COL24A1: variants seen among roughly 807,000 people sequenced by gnomAD.
COL24A1 encodes the protein collagen type XXIV alpha 1 chain.
Under a neutral mutation model 253.9 loss-of-function variants are expected in COL24A1, and 224 were observed. The observed-to-expected ratio is 0.88, with a 90% CI of 0.79 to 0.99. COL24A1 has a LOEUF of 0.99. COL24A1 is among the 50% of genes least tolerant of loss of function. The pLI, the probability that COL24A1 is intolerant of heterozygous loss-of-function variation, is 0.00. For missense variants in COL24A1, 2,131 were observed against 2,068.5 expected (o/e 1.03, Z -0.59); for synonymous variants, 685 against 673.7 (o/e 1.02, Z -0.26).
chr1:86,039,485 A>T (rs1005709940), intron 12 of COL24A1, among the ~76,000 whole-genome samples: 1 of 152,152 alleles, frequency 6.6e-6, no homozygotes, highest in Non-Finnish European at 1.5e-5. Flanking sequence ...GGTCACAATG[A>T]CTATATTTAC....
chr1:85,851,684 C>T (rs567402040), intron 37 of COL24A1, among the ~76,000 whole-genome samples: 6 of 152,120 alleles, frequency 3.9e-5, no homozygotes, highest in Non-Finnish European at 8.8e-5. Context: ...TATGGAAAAA[C>T]GTATAGCTAC....
chr1:85,801,589 T>C (rs991995774), intron 47 of COL24A1, among the ~76,000 whole-genome samples: 14 of 152,196 alleles, frequency 9.2e-5, no homozygotes, highest in African/African-American at 2.7e-4. Flanking sequence ...AGTAATGGCT[T>C]CCTACTGTTG....
chr1:85,733,396 G>T (rs1663711724), intron 59 of COL24A1, among the ~76,000 whole-genome samples: 1 of 152,092 alleles, frequency 6.6e-6, no homozygotes, highest in Admixed American at 6.5e-5. Context: ...ACTCAACTCT[G>T]CCATTGTAGT....
At chr1:85,815,569 G>A (rs185360936) in intron 47 of COL24A1, among the ~76,000 whole-genome samples, 1 of 152,158 alleles carries the variant, frequency 6.6e-6, no homozygotes, top group African/African-American at 2.4e-5. Context: ...ATATTTATTA[G>A]TGACATAATT....
intron 24 of COL24A1, among the ~76,000 whole-genome samples, chr1:85,927,353 C>T (rs937915830): frequency 6.5e-4 from 98 of 151,786 alleles, no homozygotes; most frequent in Middle Eastern, 3.4e-3. Flanking sequence ...CACTCCCACC[C>T]GAATATTGCG....
In COL24A1 at chr1:85,974,448, T is replaced by A. The variant is rs186893037; in HGVS notation, c.2365-3055A>T. The stretch of plus-strand genomic sequence containing the variant: ...TTACATGTATCAACCTGGATTAAGA[T>A]GAAAAGACAAAATTGAATGGAAGAA... On this transcript the variant is annotated intron_variant, in intron 20 of 59. Coordinates refer to ENST00000370571, the MANE Select transcript of COL24A1 (RefSeq NM_152890.7). 4.6e-5 allele frequency among the ~76,000 whole-genome samples: 7 copies of A among 152,188 alleles called. No homozygotes were observed. The East Asian group carries it at 9.6e-4, about 21-fold the overall frequency.
intron 20 of COL24A1, among the ~76,000 whole-genome samples, chr1:85,977,275 A>C (rs1238700100): frequency 3.9e-5 from 6 of 152,176 alleles, no homozygotes; most frequent in Non-Finnish European, 8.8e-5. Flanking sequence ...AATGAGAAGG[A>C]ACCAGAAAAG....
chr1:85,784,361 T>C lies in COL24A1; in HGVS notation c.4065A>G (p.Glu1355=), dbSNP rs1199907709. ...GSPGIQGPKG[E]QGLPGQPGIQ... is the part of the protein sequence containing the mutation. Reference sequence around the variant, plus strand: ...TTCCAGGTTGACCAGGTAGCCCTTGTTCACCCTATGGGTAGAACAAAGAAA... The same window carrying C: ...TTCCAGGTTGACCAGGTAGCCCTTGCTCACCCTATGGGTAGAACAAAGAAA... Residue 1355 remains glutamate (E), a synonymous_variant, in exon 49 of 60, where the codon GAA becomes GAG. Transcript: ENST00000370571. 6.2e-7 allele frequency: 1 copy of C among 1,612,512 alleles called. No homozygotes were observed. Among genetic ancestry groups the C allele is most frequent in the Admixed American group, 1.7e-5 (1 of 59,918 alleles).
intron 2 of COL24A1, among the ~76,000 whole-genome samples, chr1:86,128,922 A>C (rs1648735595): frequency 6.6e-6 from 1 of 151,906 alleles, no homozygotes; most frequent in Admixed American, 6.6e-5. Flanking sequence ...TTGACTGGTC[A>C]GTGTTTTTCT....
intron 4 of COL24A1, 131 bp from the exon 5 acceptor site, chr1:86,112,751 C>A: frequency 1.4e-6 from 1 of 698,674 alleles, no homozygotes; most frequent in Non-Finnish European, 2.3e-6. Context: ...TTATGTATGC[C>A]TTAAAGACCT....
Position 85,871,179 on chromosome 1 carries a change from T to C in COL24A1, c.3139-2344A>G, listed in dbSNP as rs564820419. 1.3e-4 allele frequency among the ~76,000 whole-genome samples: 20 copies of C among 152,074 alleles called. No homozygotes were observed. The South Asian group carries it at 3.7e-3, about 28-fold the overall frequency. On this transcript the variant is annotated intron_variant, in intron 35 of 59. Transcript: ENST00000370571. Reference sequence around the variant, plus strand: ...GTTGAATCCCTGAATAGACCAATAATAGGCTCTAAATTGAGTCAATAATTA... The same window carrying C: ...GTTGAATCCCTGAATAGACCAATAACAGGCTCTAAATTGAGTCAATAATTA...
chr1:85,907,880 T>C (rs1225124755), intron 27 of COL24A1, among the ~76,000 whole-genome samples: 1 of 151,818 alleles, frequency 6.6e-6, no homozygotes, highest in East Asian at 1.9e-4. Flanking sequence ...ACTTTAGTAT[T>C]TCAAATTTAT....
chr1:85,842,878 C>T (rs1676767069), intron 39 of COL24A1, among the ~76,000 whole-genome samples: 1 of 152,074 alleles, frequency 6.6e-6, no homozygotes, highest in South Asian at 2.1e-4. Flanking sequence ...TGGTTGACAA[C>T]TTACATGTAA....
chr1:85,863,977 G>A (rs1411783787), intron 37 of COL24A1, among the ~76,000 whole-genome samples: 2 of 152,202 alleles, frequency 1.3e-5, no homozygotes, highest in Admixed American at 6.5e-5. Context: ...TTCAACAATT[G>A]TGGAAATCAG....
chr1:85,842,224 C>G, intron 40 of COL24A1, 103 bp from the exon 41 acceptor site: 3 of 1,355,740 alleles, frequency 2.2e-6, no homozygotes, highest in Non-Finnish European at 3.1e-6. Flanking sequence ...AGGATGAGAC[C>G]TAAATATGTT....
At chr1:85,942,205 G>C (rs1688817590) in intron 24 of COL24A1, among the ~76,000 whole-genome samples, 1 of 152,158 alleles carries the variant, frequency 6.6e-6, no homozygotes, top group East Asian at 1.9e-4. Context: ...AATACCATTT[G>C]ATAGACACAT....
At chr1:85,799,058 T>G (rs1671120332) in intron 47 of COL24A1, among the ~76,000 whole-genome samples, 1 of 152,072 alleles carries the variant, frequency 6.6e-6, no homozygotes, top group South Asian at 2.1e-4. Context: ...CTAAGTTGAC[T>G]GGCCTCAAAA....
At chr1:85,968,533 A>G (rs1437947628) in intron 22 of COL24A1, among the ~76,000 whole-genome samples, 2 of 152,226 alleles carry the variant, frequency 1.3e-5, no homozygotes, top group East Asian at 3.8e-4. Flanking sequence ...AAAGCAAAGC[A>G]AAGAACTGAA....
intron 43 of COL24A1, among the ~76,000 whole-genome samples, chr1:85,824,580 A>T (rs1303524620): frequency 6.6e-6 from 1 of 152,180 alleles, no homozygotes; most frequent in Non-Finnish European, 1.5e-5. Flanking sequence ...GGGAGGTATT[A>T]CTATAATACC....
Sources: gnomAD v4.1 joint callset for allele counts (sites outside exome capture counted in the v4.1 genomes callset) on GRCh38, gnomAD v4.1.1 for gene constraint, MANE v1.5 for transcripts, NCBI Gene and HGNC (gene_info 2026-07-23, HGNC 2026-07-21) for gene names.